The following WDFY2 variants were observed in gnomAD, a reference collection of about 807,000 sequenced individuals.
WDFY2 encodes the protein WD repeat and FYVE domain containing 2, also known as WD repeat and FYVE domain-containing protein 2.
In WDFY2, 36 loss-of-function variants were observed where a neutral mutation model predicts 56.4. That is an observed-to-expected ratio of 0.64 (90% CI 0.49 to 0.84). WDFY2 has a LOEUF of 0.84. Ranked by LOEUF, WDFY2 falls within the 40% of genes least tolerant of loss-of-function variation. WDFY2 has a pLI of 0.00. For synonymous variants in WDFY2, 176 were observed against 183.7 expected (o/e 0.96, Z 0.34); for missense variants, 444 against 512.2 (o/e 0.87, Z 1.29).
At chr13:51,722,025 T>G (rs977618553) in intron 5 of WDFY2, among the ~76,000 whole-genome samples, 1 of 129,752 alleles carries the variant, frequency 7.7e-6, no homozygotes, top group East Asian at 2.5e-4. Flanking sequence ...CCCTCCACAC[T>G]TACAGGGGTT....
intron 9 of WDFY2, 57 bp downstream of exon 9, chr13:51,755,516 T>C: frequency 1.3e-6 from 2 of 1,551,460 alleles, no homozygotes; most frequent in Non-Finnish European, 1.8e-6. Context: ...CTCAACCATG[T>C]GATCTTAGAA....
In WDFY2 at chr13:51,584,840, A is replaced by G. The variant is rs761727421; in HGVS notation, c.137+16A>G. 5 of 1,612,594 alleles carry G rather than the reference A, an allele frequency of 3.1e-6. No individual in the cohort carries two copies. The highest frequency in any genetic ancestry group is 1.1e-5 in the South Asian group (1 of 90,952). On this transcript the variant is annotated intron_variant, in intron 1 of 11. Coordinates refer to ENST00000298125, the MANE Select transcript of WDFY2 (RefSeq NM_052950.4). ...CCGAGGACAGGTATGGACTACTGCC[A>G]TTCGGCCGCGAGGAGGGGCGGGACG...
intron 8 of WDFY2, chr13:51,753,054 G>C (rs1953273050): frequency 6.6e-6 from 1 of 152,230 alleles, no homozygotes; most frequent in Non-Finnish European, 1.5e-5. Flanking sequence ...ATATGCTAGA[G>C]CATCAGTGCT....
chr13:51,668,446 A>G (rs1955751014), intron 2 of WDFY2, among the ~76,000 whole-genome samples: 1 of 152,226 alleles, frequency 6.6e-6, no homozygotes. Flanking sequence ...AGAGTAAATA[A>G]AATGTTGGAT....
chr13:51,727,592 ATTTC>A, intron 5 of WDFY2, 82 bp from the exon 6 acceptor site: 1 of 1,294,334 alleles, frequency 7.7e-7, no homozygotes, highest in Non-Finnish European at 1.1e-6. Flanking sequence ...GGATTTGCGT[ATTTC>A]TTGTTACATT....
intron 7 of WDFY2, among the ~76,000 whole-genome samples, chr13:51,750,270 C>A (rs1214969289): frequency 6.6e-6 from 1 of 152,102 alleles, no homozygotes; most frequent in African/African-American, 2.4e-5. Flanking sequence ...AGAACAAGTT[C>A]TTTTAATTTA....
Position 51,658,360 on chromosome 13 carries a change from TG to T in WDFY2, c.138-2235del, listed in dbSNP as rs1419171779. On this transcript the variant is annotated intron_variant, in intron 1 of 11. Coordinates refer to ENST00000298125, the MANE Select transcript of WDFY2 (RefSeq NM_052950.4). ...GGGAAGCCCTTCAGCCCTAAGGGTT[TG>T]AAACAATAGCCAGCCTTTGCTTAAA... is the stretch of plus-strand genomic sequence containing the variant. Among the ~76,000 whole-genome samples, 3 of 152,190 alleles carry T rather than the reference TG, an allele frequency of 2.0e-5. No homozygotes were observed. In the East Asian group the frequency reaches 5.8e-4, roughly 29 times the overall value.
rs191521160 is a variant in WDFY2, at chr13:51,695,121, G to C, written c.280-8475G>C. ...AAAGTTTTCAACTTCTTTGCCTTTG[G>C]CTTGAATTTCCTCCTGTAGCTTGGA... On this transcript the variant is annotated intron_variant, in intron 3 of 11. Coordinates refer to ENST00000298125, the MANE Select transcript of WDFY2 (RefSeq NM_052950.4). Among the ~76,000 whole-genome samples the C allele has an allele frequency of 4.9e-3, 751 of 152,174 alleles. 5 individuals carry two copies. The highest frequency in any genetic ancestry group is 0.014 in the African/African-American group (589 of 41,508).
At chr13:51,759,388 C>T (rs577024105) in intron 11 of WDFY2, among the ~76,000 whole-genome samples, 1 of 152,296 alleles carries the variant, frequency 6.6e-6, no homozygotes, top group Non-Finnish European at 1.5e-5. Context: ...CATGTTGGCT[C>T]ATCGAATGCT....
chr13:51,598,905 C>CTTT (rs569169884), intron 1 of WDFY2, among the ~76,000 whole-genome samples: 74 of 115,730 alleles, frequency 6.4e-4, no homozygotes, highest in East Asian at 2.4e-3. Flanking sequence ...GTGCCATTTA[C>CTTT]TTTTTTTTTT....
At chr13:51,662,396 G>A (rs781375094) in intron 2 of WDFY2, among the ~76,000 whole-genome samples, 20 of 152,290 alleles carry the variant, frequency 1.3e-4, no homozygotes, top group South Asian at 6.2e-4. Context: ...TGGCCTCAGA[G>A]ATCAATAGGT....
Position 51,719,274 on chromosome 13 carries a change from A to G in WDFY2, c.411A>G (p.Gln137=). The G allele has an allele frequency of 5.0e-6, 8 of 1,614,090 alleles. No homozygotes were observed. Among genetic ancestry groups the G allele is most frequent in the Non-Finnish European group, 5.9e-6 (7 of 1,180,006 alleles). ...EWVLSTGQDK[Q]FAWHCSESGQ... ...TGCTGAGCACAGGACAGGACAAGCA[A>G]TTTGCCTGGCACTGCTCTGAGAGTG... is the stretch of plus-strand genomic sequence containing the variant. The change falls in exon 5 of 12, where the codon CAA becomes CAG. Residue 137 remains glutamine, a synonymous_variant. Coordinates refer to ENST00000298125, the MANE Select transcript of WDFY2 (RefSeq NM_052950.4).
chr13:51,739,239 AG>A (rs1952910977), intron 7 of WDFY2, 64 bp downstream of exon 7: 4 of 1,504,972 alleles, frequency 2.7e-6, no homozygotes, highest in Non-Finnish European at 3.6e-6. Context: ...GCTAGAACAA[AG>A]GAGTGCAGCC....
intron 9 of WDFY2, 34 bp from the exon 10 acceptor site, chr13:51,756,298 C>T (rs372021294): frequency 8.7e-5 from 138 of 1,594,656 alleles, no homozygotes; most frequent in Non-Finnish European, 1.1e-4. Flanking sequence ...CTGAGGGAGC[C>T]GTGATGAGTA....
chr13:51,617,901 A>G, intron 1 of WDFY2, among the ~76,000 whole-genome samples: 1 of 152,218 alleles, frequency 6.6e-6, no homozygotes, highest in East Asian at 1.9e-4. Flanking sequence ...TTTCATATTT[A>G]AAGAAATTCA....
intron 3 of WDFY2, among the ~76,000 whole-genome samples, chr13:51,689,679 G>A (rs552993970): frequency 5.9e-5 from 9 of 152,090 alleles, no homozygotes; most frequent in African/African-American, 7.2e-5. Context: ...GCATTTGACC[G>A]GAGAGGAAAA....
intron 6 of WDFY2, among the ~76,000 whole-genome samples, chr13:51,736,998 A>G (rs962947486): frequency 2.0e-5 from 3 of 152,188 alleles, no homozygotes; most frequent in African/African-American, 7.2e-5. Flanking sequence ...ATTAAATCTG[A>G]TAATGATGCC....
rs1016629409 is a variant in WDFY2, at chr13:51,762,463, C to T, written c.*2694C>T. The T allele has an allele frequency of 2.0e-5, 3 of 152,246 alleles. No individual in the cohort carries two copies. The highest frequency in any genetic ancestry group is 4.8e-5 in the African/African-American group (2 of 41,454). The allele number at this position is 152,246 out of a possible 1,614,324, so 9.4% of individuals were successfully genotyped here. On this transcript the variant is annotated 3_prime_UTR_variant, in exon 12 of 12. Coordinates refer to ENST00000298125, the MANE Select transcript of WDFY2 (RefSeq NM_052950.4). ...AAGGTATCCATTGCTCTTTCCTTTT[C>T]TCTCATCTGTGTGGGTGCTTGAATT...
chr13:51,744,374 A>G (rs1682632068), intron 7 of WDFY2, among the ~76,000 whole-genome samples: 1 of 152,218 alleles, frequency 6.6e-6, no homozygotes, highest in South Asian at 2.1e-4. Flanking sequence ...TAAAAAGGAT[A>G]AGGTCTTCTC....
Sources: allele counts gnomAD v4.1 joint callset (sites outside exome capture counted in the v4.1 genomes callset), GRCh38; gene constraint gnomAD v4.1.1; transcripts MANE v1.5; gene names NCBI Gene and HGNC (gene_info 2026-07-23, HGNC 2026-07-21).